The following TLE4 variants were observed in gnomAD, a reference collection of about 807,000 sequenced individuals.
The protein encoded by TLE4 is TLE family member 4, transcriptional corepressor.
A neutral mutation model predicts 92.8 loss-of-function variants in TLE4; 8 were observed. That is an observed-to-expected ratio of 0.09 (90% CI 0.05 to 0.16). The LOEUF (loss-of-function observed/expected upper bound fraction) is 0.16, where lower values mean the gene tolerates loss of function less well. TLE4 is among the 10% of genes least tolerant of loss of function. The pLI is 1.00. For synonymous variants in TLE4, 371 were observed against 374.1 expected (o/e 0.99, Z 0.10); for missense variants, 675 against 997.6 (o/e 0.68, Z 4.36).
intron 6 of TLE4, among the ~76,000 whole-genome samples, chr9:79,633,707 G>C (rs200936619): frequency 6.6e-6 from 1 of 152,162 alleles, no homozygotes; most frequent in Non-Finnish European, 1.5e-5. Flanking sequence ...TTTTGGTTTT[G>C]TGTCACTTTT....
chr9:79,628,946 G>A (rs1297363777), intron 6 of TLE4, among the ~76,000 whole-genome samples: 2 of 151,898 alleles, frequency 1.3e-5, no homozygotes, highest in Non-Finnish European at 2.9e-5. Flanking sequence ...TGACGTGTGT[G>A]CACAAGTGCA....
chr9:79,715,861 C>T (rs2074394165), intron 14 of TLE4, among the ~76,000 whole-genome samples: 1 of 152,146 alleles, frequency 6.6e-6, no homozygotes, highest in African/African-American at 2.4e-5. Flanking sequence ...AGCTTATCAT[C>T]ACCCCTGTGT....
intron 6 of TLE4, among the ~76,000 whole-genome samples, chr9:79,628,660 C>T (rs1159037962): frequency 6.6e-6 from 1 of 151,834 alleles, no homozygotes; most frequent in Admixed American, 6.6e-5. Flanking sequence ...ACCTTTATTT[C>T]CTCCAGAGTG....
chr9:79,582,193 C>G lies in TLE4; in HGVS notation c.252+6016C>G, dbSNP rs368884313. Among the ~76,000 whole-genome samples, 33 of 152,086 alleles carry G rather than the reference C, an allele frequency of 2.2e-4. No homozygotes were observed. In the South Asian group the frequency reaches 5.2e-3, roughly 24 times the overall value. ...CTTTGTAGTTTAGAAAGAGGTTCGT[C>G]GATGCAGGAAATCACACAACTCAGT... On this transcript the variant is annotated intron_variant, in intron 4 of 19. Transcript: ENST00000376552.
At chr9:79,694,441 T>G (rs1464740538) in intron 8 of TLE4, among the ~76,000 whole-genome samples, 3 of 152,128 alleles carry the variant, frequency 2.0e-5, no homozygotes, top group Admixed American at 1.3e-4. Flanking sequence ...CTTCCAGTGT[T>G]TTTTGTTTCC....
At position 79,725,794 on chromosome 9, in the gene TLE4, A is replaced by G. The variant is rs1000260737; in HGVS notation, c.*650A>G. 6.6e-6 allele frequency: 1 copy of G among 152,646 alleles called. No homozygotes were observed. Among genetic ancestry groups the G allele is most frequent in the African/African-American group, 2.4e-5 (1 of 41,460 alleles). 9.5% of individuals were successfully genotyped at this position (152,646 alleles called of 1,614,324 possible). A position where few individuals can be genotyped will look rare whatever the true frequency, so the allele number is the denominator to read the frequency against. ...TTAGACAACGTTAACCAATATATCT[A>G]TAGCTTTAGATTATATTCGATAAAA... On this transcript the variant is annotated 3_prime_UTR_variant, in exon 20 of 20. Transcript: ENST00000376552.
chr9:79,608,352 A>G (rs1328762327), intron 4 of TLE4, among the ~76,000 whole-genome samples: 1 of 152,068 alleles, frequency 6.6e-6, no homozygotes. Context: ...ATTTGGAACA[A>G]ATCAAGATAT....
At chr9:79,700,289 T>C (rs567967498) in intron 8 of TLE4, among the ~76,000 whole-genome samples, 4 of 152,240 alleles carry the variant, frequency 2.6e-5, no homozygotes, top group Non-Finnish European at 4.4e-5. Context: ...TGCTCTTGCC[T>C]GCTATTAAAA....
At chr9:79,605,165 C>T (rs1473027879) in intron 4 of TLE4, among the ~76,000 whole-genome samples, 2 of 152,070 alleles carry the variant, frequency 1.3e-5, no homozygotes, top group Non-Finnish European at 1.5e-5. Context: ...GGTTCTCTGA[C>T]CGGTTCCACC....
At chr9:79,628,306 CAA>C (rs1380129828) in intron 6 of TLE4, among the ~76,000 whole-genome samples, 1 of 151,706 alleles carries the variant, frequency 6.6e-6, no homozygotes, top group African/African-American at 2.4e-5. Flanking sequence ...AGATTATACA[CAA>C]AAGTCTTTTT....
At chr9:79,582,703 A>G (rs545672244) in intron 4 of TLE4, among the ~76,000 whole-genome samples, 36 of 150,210 alleles carry the variant, frequency 2.4e-4, no homozygotes, top group Admixed American at 1.6e-3. Flanking sequence ...CTGGACAGCA[A>G]TAATGTATTT....
At chr9:79,649,348 A>G (rs1564634869) in intron 6 of TLE4, 1 of 156,506 alleles carries the variant, frequency 6.4e-6, no homozygotes, top group Non-Finnish European at 1.4e-5. Context: ...TTGTAGTTAA[A>G]TTTAACAAAC....
chr9:79,673,492 A>G (rs2062751732), intron 8 of TLE4, among the ~76,000 whole-genome samples: 1 of 152,194 alleles, frequency 6.6e-6, no homozygotes, highest in Non-Finnish European at 1.5e-5. Context: ...AGTGATTCCA[A>G]AAATGTTTAT....
At chr9:79,691,183 C>G (rs905054335) in intron 8 of TLE4, among the ~76,000 whole-genome samples, 7 of 152,096 alleles carry the variant, frequency 4.6e-5, no homozygotes, top group African/African-American at 1.2e-4. Flanking sequence ...TACTGGCCCC[C>G]CATTTCTCCT....
At chr9:79,671,295 TAA>T (rs2062292247) in intron 8 of TLE4, 2 of 456,046 alleles carry the variant, frequency 4.4e-6, no homozygotes, top group Admixed American at 4.7e-5. Context: ...ATCCTGATTT[TAA>T]AAGACATTCA....
intron 8 of TLE4, among the ~76,000 whole-genome samples, chr9:79,698,891 A>G (rs1313608410): frequency 1.3e-5 from 2 of 148,980 alleles, no homozygotes; most frequent in African/African-American, 2.5e-5. Flanking sequence ...ATATATATGT[A>G]TATCCTGGTG....
intron 6 of TLE4, among the ~76,000 whole-genome samples, chr9:79,631,272 A>ACTG (rs2054121108): frequency 6.6e-6 from 1 of 152,224 alleles, no homozygotes; most frequent in African/African-American, 2.4e-5. Flanking sequence ...AACTGATTAA[A>ACTG]ATGTTCATGC....
At chr9:79,651,396 A>G (rs978723771) in intron 6 of TLE4, among the ~76,000 whole-genome samples, 10 of 152,300 alleles carry the variant, frequency 6.6e-5, no homozygotes, top group African/African-American at 1.9e-4. Flanking sequence ...AGTTTGACGC[A>G]GCCTCAGCTG....
chr9:79,702,370 G>A (rs1222928740), intron 8 of TLE4, among the ~76,000 whole-genome samples: 1 of 152,162 alleles, frequency 6.6e-6, no homozygotes, highest in Non-Finnish European at 1.5e-5. Context: ...AACTAGAAAC[G>A]GGATTGAGGC....
Sources: gnomAD v4.1 joint callset for allele counts (sites outside exome capture counted in the v4.1 genomes callset) on GRCh38, gnomAD v4.1.1 for gene constraint, MANE v1.5 for transcripts, NCBI Gene and HGNC (gene_info 2026-07-23, HGNC 2026-07-21) for gene names.